ARX: variants seen among roughly 807,000 people sequenced by gnomAD.
ARX encodes homeobox protein ARX.
A neutral mutation model predicts 23.1 loss-of-function variants in ARX; 1 was observed. The ratio of observed to expected loss-of-function variants is 0.04; its 90% CI spans 0.02 to 0.21. The LOEUF is 0.21. Among genes scored for constraint, ARX ranks in the 10% least tolerant of loss-of-function variants. The pLI is 1.00. For missense variants in ARX, 380 were observed against 527.5 expected, an observed-to-expected ratio of 0.72 and a Z score of 2.74; for synonymous variants, 301 against 270.1, an observed-to-expected ratio of 1.11 and a Z score of -1.12.
chrX:25,013,936 G>T (rs970628239), intron 1 of ARX, 138 bp from the exon 2 acceptor site: 3 of 837,548 alleles, frequency 3.6e-6, no homozygotes, highest in Non-Finnish European at 4.4e-6. Context: ...AGACTTCGAC[G>T]CCTTGGCCTC....
At chrX:25,014,108 T>A (rs761063451) in intron 1 of ARX, among the ~76,000 whole-genome samples, 1 of 108,203 alleles carries the variant, frequency 9.2e-6, no homozygotes, top group South Asian at 4.2e-4. Flanking sequence ...CTCTTGCCCC[T>A]CTCTCCCTTC....
In ARX at chrX:25,010,401, G is replaced by A. The variant is rs1330706819; in HGVS notation, c.1074-96C>T. 5 of 1,036,324 alleles carry A rather than the reference G, an allele frequency of 4.8e-6. No individual in the cohort carries two copies. In the South Asian group the frequency reaches 5.9e-5, roughly 12 times the overall value. 85.4% of individuals were successfully genotyped at this position (1,036,324 alleles called of 1,213,427 possible). On this transcript the variant is annotated intron_variant, in intron 2 of 4. Coordinates refer to ENST00000379044, the MANE Select transcript of ARX (RefSeq NM_139058.3). ...TCTATGGCAGGCCTACTCCACCAGG[G>A]TCTCCCCTGGCTGCCTGCCCCCCAC...
intron 3 of ARX, among the ~76,000 whole-genome samples, chrX:25,008,634 A>G (rs927160763): frequency 8.9e-6 from 1 of 112,424 alleles, no homozygotes; most frequent in Non-Finnish European, 1.9e-5. Flanking sequence ...GGCTGGGTTT[A>G]TAACTGCACA....
chrX:25,015,511 C>T (rs1240957553), intron 1 of ARX, 31 bp downstream of exon 1: 6 of 1,203,511 alleles, frequency 5.0e-6, no homozygotes, highest in Non-Finnish European at 5.6e-6. Context: ...GCCCAATGCC[C>T]TTAGTAAGTG....
rs387906492 is a variant in ARX, at chrX:25,013,659, TGCCGCCGCCGCC to T, written c.324_335del (p.Ala112_Ala115del). 69 of 770,727 alleles carry T rather than the reference TGCCGCCGCCGCC, an allele frequency of 9.0e-5. No individual in the cohort carries two copies. The highest frequency in any genetic ancestry group is 1.9e-4 in the African/African-American group (8 of 42,663). 63.5% of individuals were successfully genotyped at this position (770,727 alleles called of 1,213,427 possible). On this transcript the variant is annotated inframe_deletion, in exon 2 of 5. Transcript: ENST00000379044. Reference sequence around the variant, plus strand: ...GACCCGCCGTGGCCGTGGCGGCCGCTGCCGCCGCCGCCGCCGCCGCCGCCGCCGCCGCTGCCG... The same window carrying T: ...GACCCGCCGTGGCCGTGGCGGCCGCTGCCGCCGCCGCCGCCGCCGCTGCCG...
Position 25,007,312 on chromosome X carries a change from G to C in ARX, c.1247C>G (p.Ala416Gly), listed in dbSNP as rs778734352. 218 of 1,130,227 alleles carry C rather than the reference G, an allele frequency of 1.9e-4. 1 individual carries two copies. The highest frequency in any genetic ancestry group is 1.0e-4 in the Non-Finnish European group (86 of 861,355). 93.1% of individuals were successfully genotyped at this position (1,130,227 alleles called of 1,213,427 possible). ...CGGGTGGTGCGGAGGGAAGGGGCTG[G>C]CGTCCAGGTAGGGGCTGAGCGGGTG... ...ATHPLSPYLDASPFPPHHPAL... is the reference protein window; with the variant it reads ...ATHPLSPYLDGSPFPPHHPAL... Residue 416 changes from alanine to glycine, a missense_variant, in exon 4 of 5, where the codon GCC becomes GGC. Physicochemically the swap from Ala to Gly is moderately conservative, Grantham distance 60. Coordinates refer to ENST00000379044, the MANE Select transcript of ARX (RefSeq NM_139058.3).
chrX:25,013,843 T>C, intron 1 of ARX, 45 bp from the exon 2 acceptor site: 1 of 898,583 alleles, frequency 1.1e-6, no homozygotes, highest in Non-Finnish European at 1.4e-6. Flanking sequence ...GGCCGGGGAG[T>C]CCCAGCCAGG....
At chrX:25,014,523 G>A (rs2048718024) in intron 1 of ARX, among the ~76,000 whole-genome samples, 1 of 112,713 alleles carries the variant, frequency 8.9e-6, no homozygotes, top group Non-Finnish European at 1.9e-5. Context: ...GCGGGAGAGG[G>A]TGGGGGGGCT....
At position 25,004,592 on chromosome X, in the gene ARX, T is replaced by C. The variant is rs1306279750; in HGVS notation, c.*78A>G. On this transcript the variant is annotated 3_prime_UTR_variant, in exon 5 of 5. Coordinates refer to ENST00000379044, the MANE Select transcript of ARX (RefSeq NM_139058.3). ...GTCTCGGGAGTGTGCTGGTCCTCTG[T>C]TTCCATTTGGTCTTGAGTGGTGCTG... 1.7e-6 allele frequency: 2 copies of C among 1,153,473 alleles called. No individual in the cohort carries two copies. Among genetic ancestry groups the C allele is most frequent in the Admixed American group, 2.6e-5 (1 of 38,766 alleles).
In ARX at chrX:25,012,915, C is replaced by T. The variant is rs1481390305; in HGVS notation, c.1073+7G>A. 2.5e-6 allele frequency: 3 copies of T among 1,202,244 alleles called. No homozygotes were observed. The African/African-American group carries it at 5.2e-5, about 21-fold the overall frequency. On this transcript the variant is annotated splice_region_variant and intron_variant, in intron 2 of 4. Coordinates refer to ENST00000379044, the MANE Select transcript of ARX (RefSeq NM_139058.3). ...CCGCTGCGACCGCGACCACCCTACGCGCATACCTGGTGAAGACGTCCGGGT... is the reference window on the plus strand; with the variant it reads ...CCGCTGCGACCGCGACCACCCTACGTGCATACCTGGTGAAGACGTCCGGGT...
At chrX:25,011,736 T>A (rs950490925) in intron 2 of ARX, among the ~76,000 whole-genome samples, 8 of 112,825 alleles carry the variant, frequency 7.1e-5, no homozygotes, top group African/African-American at 2.6e-4. Flanking sequence ...CAACTACATT[T>A]TGGAGTAGCT....
At chrX:25,005,345 G>C (rs1233300755) in intron 4 of ARX, among the ~76,000 whole-genome samples, 1 of 61,564 alleles carries the variant, frequency 1.6e-5, no homozygotes, top group Non-Finnish European at 2.5e-5. Context: ...GGGTGGGAGG[G>C]GGGAGGAAAA....
rs1200326478 is a variant in ARX at position 25,013,404 on chromosome X, G to A, written c.591C>T (p.Gly197=). 1.9e-5 allele frequency: 19 copies of A among 1,007,643 alleles called. No homozygotes were observed. The highest frequency in any genetic ancestry group is 2.2e-5 in the Non-Finnish European group (18 of 804,223). The allele number at this position is 1,007,643 out of a possible 1,213,427, so 83.0% of individuals were successfully genotyped here. A position where few individuals can be genotyped will look rare whatever the true frequency, so the allele number is the denominator to read the frequency against. Residue 197 remains glycine, a synonymous_variant, in exon 2 of 5, where the codon GGC becomes GGT. Transcript: ENST00000379044. ...PALDELGGPG[G]VTHPEERLGV... ...CGAGGCGCTCCTCCGGGTGCGTGAC[G>A]CCCCCCGGGCCGCCCAGCTCGTCCA...
intron 4 of ARX, among the ~76,000 whole-genome samples, chrX:25,006,842 A>G (rs1313407488): frequency 1.8e-5 from 2 of 110,096 alleles, no homozygotes; most frequent in South Asian, 4.1e-4. Context: ...TGCAAATGGT[A>G]CTTTTACAGC....
chrX:25,015,960 T>C lies in ARX; in HGVS notation c.-223A>G, dbSNP rs2048726076. The stretch of plus-strand genomic sequence containing the variant: ...CGCGCTCAGGACAAGCGGTAACAAG[T>C]GTAGTGAGCAGCGGGCGCTGAGCTC... On this transcript the variant is annotated 5_prime_UTR_variant, in exon 1 of 5. Transcript: ENST00000379044. 6.9e-6 allele frequency: 3 copies of C among 434,945 alleles called. No individual in the cohort carries two copies. Among genetic ancestry groups the C allele is most frequent in the Non-Finnish European group, 1.2e-5 (3 of 247,343 alleles). 35.8% of individuals were successfully genotyped at this position (434,945 alleles called of 1,213,427 possible).
Position 25,013,605 on chromosome X carries a change from C to T in ARX, c.390G>A (p.Pro130=). ...GPRGEAPPPP[P]PTARPGERPD... Reference sequence around the variant, plus strand: ...GCCGTTCCCCGGGCCGCGCGGTTGGCGGTGGCGGCGGAGGGGCCTCCCCGC... The same window carrying T: ...GCCGTTCCCCGGGCCGCGCGGTTGGTGGTGGCGGCGGAGGGGCCTCCCCGC... Residue 130 remains proline (P), a synonymous_variant, in exon 2 of 5, where the codon CCG becomes CCA. Coordinates refer to ENST00000379044, the MANE Select transcript of ARX (RefSeq NM_139058.3). 2.7e-6 allele frequency: 2 copies of T among 751,633 alleles called. No homozygotes were observed. The highest frequency in any genetic ancestry group is 3.1e-6 in the Non-Finnish European group (2 of 639,003). The allele number at this position is 751,633 out of a possible 1,213,427, so 61.9% of individuals were successfully genotyped here.
In ARX at chrX:25,013,419, C is replaced by A. The variant is rs1474845625; in HGVS notation, c.576G>T (p.Leu192=). 5 of 967,942 alleles carry A rather than the reference C, an allele frequency of 5.2e-6. No individual in the cohort carries two copies. The highest frequency in any genetic ancestry group is 6.4e-6 in the Non-Finnish European group (5 of 777,060). 79.8% of individuals were successfully genotyped at this position (967,942 alleles called of 1,213,427 possible). A position where few individuals can be genotyped will look rare whatever the true frequency, so the allele number is the denominator to read the frequency against. The change falls in exon 2 of 5, where the codon CTG becomes CTT. Residue 192 remains leucine (L), a synonymous_variant. Transcript: ENST00000379044. The part of the protein sequence containing the change: ...FVPPPPALDE[L]GGPGGVTHPE... ...GGTGCGTGACGCCCCCCGGGCCGCC[C>A]AGCTCGTCCAGCGCGGGCGGCGGCG...
chrX:25,005,008 C>T, intron 4 of ARX, 98 bp from the exon 5 acceptor site: 2 of 1,023,252 alleles, frequency 2.0e-6, no homozygotes. Flanking sequence ...AGCTGAGGGG[C>T]GCGGTACCCA....
rs1240747597 is a variant in ARX, at chrX:25,007,641, T to A, written c.1120-202A>T. Among the ~76,000 whole-genome samples, 3 of 111,561 alleles carry A rather than the reference T, an allele frequency of 2.7e-5. No homozygotes were observed. In the Admixed American group the frequency reaches 2.8e-4, roughly 11 times the overall value. On this transcript the variant is annotated intron_variant, in intron 3 of 4. Coordinates refer to ENST00000379044, the MANE Select transcript of ARX (RefSeq NM_139058.3). Reference sequence around the variant, plus strand: ...AGTGAATAGGAGCCGCAACTTCAAGTCAGCAGGAAACAGGACAAGCAAACC... The same window carrying A: ...AGTGAATAGGAGCCGCAACTTCAAGACAGCAGGAAACAGGACAAGCAAACC...
Sources: gnomAD v4.1 joint callset for allele counts (sites outside exome capture counted in the v4.1 genomes callset) on GRCh38, gnomAD v4.1.1 for gene constraint, MANE v1.5 for transcripts, NCBI Gene and HGNC (gene_info 2026-07-23, HGNC 2026-07-21) for gene names.